CAMKK2: variants seen among roughly 807,000 people sequenced by gnomAD.
The protein encoded by CAMKK2 is calcium/calmodulin dependent protein kinase kinase 2.
In CAMKK2, 30 loss-of-function variants were observed where a neutral mutation model predicts 67.2. The ratio of observed to expected loss-of-function variants is 0.45; its 90% CI spans 0.33 to 0.61. The LOEUF (loss-of-function observed/expected upper bound fraction) is 0.61. Ranked by LOEUF, CAMKK2 falls within the 20% of genes least tolerant of loss-of-function variation. CAMKK2 has a pLI of 0.02. For missense variants in CAMKK2, 643 were observed against 802.0 expected, an observed-to-expected ratio of 0.80 and a Z score of 2.39; for synonymous variants, 322 against 326.2, an observed-to-expected ratio of 0.99 and a Z score of 0.14.
chr12:121,245,269 G>A lies in CAMKK2; in HGVS notation c.1453-29C>T. ...AAGAGGGAGAAAAGAGGAGGTGGCA[G>A]GCAACTGCTTGGCCATGTGGGGGCG... is the stretch of plus-strand genomic sequence containing the variant. On this transcript the variant is annotated intron_variant, in intron 14 of 16. Transcript: ENST00000404169. This position sits in a 1 kb window ranked among gnomAD's most constrained non-coding sequence, Gnocchi z 5.8. The A allele has an allele frequency of 1.4e-6, 2 of 1,457,378 alleles. No homozygotes were observed. Among genetic ancestry groups the A allele is most frequent in the South Asian group, 2.4e-5 (2 of 83,828 alleles). 90.3% of individuals were successfully genotyped at this position (1,457,378 alleles called of 1,614,324 possible).
chr12:121,261,582 A>C (rs1049837524), intron 6 of CAMKK2, among the ~76,000 whole-genome samples: 2 of 152,234 alleles, frequency 1.3e-5, no homozygotes, highest in Non-Finnish European at 2.9e-5. Flanking sequence ...CTGGGCTAGC[A>C]GCCTGAAGCC....
At chr12:121,286,160 C>G (rs945055564) in intron 1 of CAMKK2, among the ~76,000 whole-genome samples, 3 of 152,160 alleles carry the variant, frequency 2.0e-5, no homozygotes, top group African/African-American at 7.2e-5. Context: ...GTCAAGGGCC[C>G]TGACTTACAA....
At chr12:121,293,207 G>A (rs1900434426) in intron 1 of CAMKK2, among the ~76,000 whole-genome samples, 1 of 151,782 alleles carries the variant, frequency 6.6e-6, no homozygotes, top group African/African-American at 2.4e-5. Flanking sequence ...AACCTGGGAG[G>A]CAGAGGTTGC....
At chr12:121,249,714 G>A (rs1175901538) in intron 13 of CAMKK2, 73 bp downstream of exon 13, 5 of 1,201,824 alleles carry the variant, frequency 4.2e-6, no homozygotes, top group East Asian at 4.6e-5. Flanking sequence ...TGGACACAAG[G>A]GTGTGGGGTC....
chr12:121,264,035 A>AGGTGGGATGCCAAAAGGTGGG lies in CAMKK2; in HGVS notation c.626-97_626-96insCCCACCTTTTGGCATCCCACC. 4 of 1,266,186 alleles carry AGGTGGGATGCCAAAAGGTGGG rather than the reference A, an allele frequency of 3.2e-6. No individual in the cohort carries two copies. In the African/African-American group the frequency reaches 6.0e-5, roughly 19 times the overall value. 78.4% of individuals were successfully genotyped at this position (1,266,186 alleles called of 1,614,324 possible). A position where few individuals can be genotyped will look rare whatever the true frequency, so the allele number is the denominator to read the frequency against. On this transcript the variant is annotated intron_variant, in intron 5 of 16. Coordinates refer to ENST00000404169, the MANE Select transcript of CAMKK2 (RefSeq NM_001270485.2). Reference sequence around the variant, plus strand: ...GGATGCCAAAAGGTGGGATGCCAAAAAGCCACTCTGCAGGGCTGGAGTGGC... The same window carrying AGGTGGGATGCCAAAAGGTGGG: ...GGATGCCAAAAGGTGGGATGCCAAAAGGTGGGATGCCAAAAGGTGGGAGCCACTCTGCAGGGCTGGAGTGGC...
chr12:121,247,619 G>T (rs753803104), intron 14 of CAMKK2, among the ~76,000 whole-genome samples: 3 of 152,200 alleles, frequency 2.0e-5, no homozygotes, highest in Non-Finnish European at 2.9e-5. Context: ...AACAGTGAAG[G>T]TCCTGCACAG....
At chr12:121,249,745 C>T in intron 13 of CAMKK2, 42 bp downstream of exon 13, 1 of 1,563,490 alleles carries the variant, frequency 6.4e-7, no homozygotes, top group South Asian at 1.1e-5. Context: ...ATGGCTGAGC[C>T]AAACAATTCC....
At position 121,257,651 on chromosome 12, in the gene CAMKK2, G is replaced by T. The variant is rs554487800; in HGVS notation, c.797-1847C>A. ...GGCTTAAAGGTTCTGATCAGGAAAA[G>T]AACTGAACTCTCCCAGGCCTTCCCC... On this transcript the variant is annotated intron_variant, in intron 7 of 16. Transcript: ENST00000404169. Among the ~76,000 whole-genome samples the T allele has an allele frequency of 2.0e-5, 3 of 152,288 alleles. No individual in the cohort carries two copies. In the South Asian group the frequency reaches 6.2e-4, roughly 32 times the overall value.
intron 11 of CAMKK2, among the ~76,000 whole-genome samples, chr12:121,251,317 T>C (rs1435551611): frequency 2.0e-5 from 3 of 151,972 alleles, no homozygotes; most frequent in African/African-American, 7.3e-5. Flanking sequence ...AGAATCCAGG[T>C]GGTGGGTATG....
At chr12:121,248,457 G>A (rs1889950425) in intron 14 of CAMKK2, 149 bp downstream of exon 14, 10 of 829,492 alleles carry the variant, frequency 1.2e-5, no homozygotes, top group Non-Finnish European at 1.7e-5. Flanking sequence ...CCTGATACAT[G>A]ACCAAGGCCC....
chr12:121,263,281 G>A (rs1436525438), intron 6 of CAMKK2, among the ~76,000 whole-genome samples: 1 of 150,906 alleles, frequency 6.6e-6, no homozygotes, highest in African/African-American at 2.4e-5. Flanking sequence ...TGTTTGTTTT[G>A]TATTTTTAGT....
At chr12:121,259,039 C>T (rs1429036339) in intron 7 of CAMKK2, among the ~76,000 whole-genome samples, 2 of 151,998 alleles carry the variant, frequency 1.3e-5, no homozygotes, top group African/African-American at 2.4e-5. Flanking sequence ...GACGGGGTTT[C>T]GCTATGCTGC....
intron 1 of CAMKK2, among the ~76,000 whole-genome samples, chr12:121,294,105 G>A (rs1325407384): frequency 6.6e-6 from 1 of 152,016 alleles, no homozygotes; most frequent in East Asian, 1.9e-4. Context: ...GCTAATTTTT[G>A]TATTTTTAGT....
At position 121,286,796 on chromosome 12, in the gene CAMKK2, C is replaced by A. The variant is rs184040913; in HGVS notation, c.-60+9842G>T. On this transcript the variant is annotated intron_variant, in intron 1 of 16. Coordinates refer to ENST00000404169, the MANE Select transcript of CAMKK2 (RefSeq NM_001270485.2). Reference sequence around the variant, plus strand: ...TGACTTGCTCACAATCATCCAGCTTCTGAGTGCTTCAGGAGGGCACAAGTG... The same window carrying A: ...TGACTTGCTCACAATCATCCAGCTTATGAGTGCTTCAGGAGGGCACAAGTG... Among the ~76,000 whole-genome samples the A allele has an allele frequency of 2.1e-3, 324 of 152,292 alleles. 2 individuals carry two copies. The highest frequency in any genetic ancestry group is 7.1e-3 in the African/African-American group (297 of 41,566).
intron 5 of CAMKK2, 85 bp from the exon 6 acceptor site, chr12:121,264,024 G>A: frequency 7.4e-7 from 1 of 1,359,732 alleles, no homozygotes; most frequent in African/African-American, 1.5e-5. Context: ...GCCAAAAGGT[G>A]GGATGCCAAA....
rs770533353 is a variant in CAMKK2, at chr12:121,274,170, T to G, written c.357A>C (p.Gly119=). 6.3e-7 allele frequency: 1 copy of G among 1,597,842 alleles called. No individual in the cohort carries two copies. The highest frequency in any genetic ancestry group is 2.3e-5 in the East Asian group (1 of 44,368). Residue 119 remains glycine (G), a synonymous_variant, in exon 2 of 17, where the codon GGA becomes GGC. Transcript: ENST00000404169. ...LAAGGSLDMN[G]RCICPSLPYS... is the part of the protein sequence containing the mutation. ...AGGGCAGGGACGGGCAGATGCAGCGTCCGTTCATGTCCAGGCTGCCACCGG... is the reference window on the plus strand; with the variant it reads ...AGGGCAGGGACGGGCAGATGCAGCGGCCGTTCATGTCCAGGCTGCCACCGG...
chr12:121,280,099 TC>T (rs1201872827), intron 1 of CAMKK2, among the ~76,000 whole-genome samples: 1 of 152,164 alleles, frequency 6.6e-6, no homozygotes, highest in Non-Finnish European at 1.5e-5. Context: ...ATCAATGTCC[TC>T]CTTGGGAAAA....
intron 6 of CAMKK2, among the ~76,000 whole-genome samples, chr12:121,261,514 G>A (rs1326606534): frequency 6.6e-6 from 1 of 152,128 alleles, no homozygotes; most frequent in African/African-American, 2.4e-5. Flanking sequence ...GCTTTCTCCA[G>A]TCACCCAAGA....
Position 121,252,682 on chromosome 12 carries a change from T to C in CAMKK2, c.1140A>G (p.Leu380=). 6.2e-7 allele frequency: 1 copy of C among 1,614,172 alleles called. No individual in the cohort carries two copies. The highest frequency in any genetic ancestry group is 8.5e-7 in the Non-Finnish European group (1 of 1,180,014). ...ALDVWAMGVT[L]YCFVFGQCPF... is the part of the protein sequence containing the mutation. ...TTACCTGGCCAAAGACAAAGCAGTATAGTGTCACACCCATGGCCCAAACAT... is the reference window on the plus strand; with the variant it reads ...TTACCTGGCCAAAGACAAAGCAGTACAGTGTCACACCCATGGCCCAAACAT... Residue 380 remains leucine (L), a synonymous_variant, in exon 11 of 17, where the codon CTA becomes CTG. Coordinates refer to ENST00000404169, the MANE Select transcript of CAMKK2 (RefSeq NM_001270485.2).
Sources: gnomAD v4.1 joint callset for allele counts (sites outside exome capture counted in the v4.1 genomes callset) on GRCh38, gnomAD v4.1.1 for gene constraint, Gnocchi (gnomAD v3.1) non-coding constraint, MANE v1.5 for transcripts, NCBI Gene and HGNC (gene_info 2026-07-23, HGNC 2026-07-21) for gene names.